ALDH1A2: variants seen among roughly 807,000 people sequenced by gnomAD.
ALDH1A2 encodes aldehyde dehydrogenase 1 family member A2, also known as retinal dehydrogenase 2.
A neutral mutation model predicts 60.3 loss-of-function variants in ALDH1A2; 27 were observed. The ratio of observed to expected loss-of-function variants is 0.45; its 90% confidence interval spans 0.33 to 0.62. The LOEUF is 0.62. Ranked by LOEUF, ALDH1A2 falls within the 20% of genes least tolerant of loss-of-function variation. ALDH1A2 has a pLI of 0.02. For synonymous variants in ALDH1A2, 289 were observed against 232.4 expected (o/e 1.24, Z -2.21); for missense variants, 581 against 643.8 (o/e 0.90, Z 1.06).
chr15:58,044,077 G>T (rs777891218), intron 1 of ALDH1A2, among the ~76,000 whole-genome samples: 1 of 152,000 alleles, frequency 6.6e-6, no homozygotes, highest in Non-Finnish European at 1.5e-5. Flanking sequence ...AATTTTTGCT[G>T]ATGTCTATTT....
At chr15:57,974,265 C>G (rs1024722384) in intron 7 of ALDH1A2, among the ~76,000 whole-genome samples, 2 of 151,828 alleles carry the variant, frequency 1.3e-5, no homozygotes, top group Admixed American at 6.6e-5. Flanking sequence ...AACCCCATCT[C>G]TACTAAAAAT....
In ALDH1A2 at chr15:57,962,125, C is replaced by T; in HGVS notation, c.1138G>A (p.Ala380Thr). Residue 380 changes from alanine to threonine, a missense_variant, in exon 10 of 13, where the codon GCT (alanine) becomes ACT (threonine). Around this residue, in one of 2 missense-constraint regions of ALDH1A2, gnomAD observed 375 missense variants for 469.7 expected, o/e 0.80. Coordinates refer to ENST00000249750, the MANE Select transcript of ALDH1A2 (RefSeq NM_003888.4). ...KILELIQSGV[A>T]EGAKLECGGK... is the part of the protein sequence containing the mutation. ...CCACATTCCAGCTTGGCGCCCTCAGCCACACCACTCTGGATGAGTTCCAAG... is the reference window on the plus strand; with the variant it reads ...CCACATTCCAGCTTGGCGCCCTCAGTCACACCACTCTGGATGAGTTCCAAG... 6.2e-7 allele frequency: 1 copy of T among 1,614,164 alleles called. No individual in the cohort carries two copies. Among genetic ancestry groups the T allele is most frequent in the Non-Finnish European group, 8.5e-7 (1 of 1,180,014 alleles).
intron 7 of ALDH1A2, among the ~76,000 whole-genome samples, chr15:57,979,543 C>A (rs1172479841): frequency 6.6e-6 from 1 of 152,024 alleles, no homozygotes; most frequent in Non-Finnish European, 1.5e-5. Flanking sequence ...CTCATTCCTG[C>A]GAAGGACCAA....
chr15:58,015,778 T>C (rs1184619710), intron 1 of ALDH1A2, among the ~76,000 whole-genome samples: 2 of 152,198 alleles, frequency 1.3e-5, no homozygotes, highest in Non-Finnish European at 2.9e-5. Flanking sequence ...CAATGTGTTC[T>C]TTCCAATACA....
At chr15:57,974,160 G>T (rs1028971443) in intron 7 of ALDH1A2, among the ~76,000 whole-genome samples, 4 of 152,038 alleles carry the variant, frequency 2.6e-5, no homozygotes, top group Admixed American at 1.3e-4. Flanking sequence ...ACCCATATAG[G>T]GCCGGGCGCA....
At chr15:57,988,872 C>G (rs1446925695) in intron 7 of ALDH1A2, among the ~76,000 whole-genome samples, 1 of 117,290 alleles carries the variant, frequency 8.5e-6, no homozygotes, top group Non-Finnish European at 2.0e-5. Context: ...ACTTCCACTA[C>G]CTGATATTGT....
chr15:57,972,704 A>G (rs938810641), intron 7 of ALDH1A2, among the ~76,000 whole-genome samples: 1 of 152,220 alleles, frequency 6.6e-6, no homozygotes, highest in African/African-American at 2.4e-5. Context: ...TTTTATGCTA[A>G]TAGTTTAAAA....
At chr15:57,972,870 G>T (rs561613336) in intron 7 of ALDH1A2, among the ~76,000 whole-genome samples, 1 of 152,164 alleles carries the variant, frequency 6.6e-6, no homozygotes, top group South Asian at 2.1e-4. Flanking sequence ...TAAAACTGTA[G>T]CAAGCCACCT....
intron 12 of ALDH1A2, among the ~76,000 whole-genome samples, chr15:57,958,212 A>ATG (rs1440320416): frequency 1.3e-5 from 2 of 150,250 alleles, no homozygotes; most frequent in Admixed American, 6.6e-5. Flanking sequence ...GTGTACACGC[A>ATG]CGCACACACA....
chr15:58,022,378 C>T (rs1895951476), intron 1 of ALDH1A2, among the ~76,000 whole-genome samples: 1 of 152,116 alleles, frequency 6.6e-6, no homozygotes, highest in South Asian at 2.1e-4. Context: ...ACTTGCCTGT[C>T]CAGCACATCA....
At chr15:58,028,119 TGAAG>T (rs1216917102) in intron 1 of ALDH1A2, among the ~76,000 whole-genome samples, 1 of 151,782 alleles carries the variant, frequency 6.6e-6, no homozygotes, top group African/African-American at 2.4e-5. Flanking sequence ...AAGGTTGAAA[TGAAG>T]GAAAAAATGT....
At chr15:57,963,771 T>C (rs1165252561) in intron 9 of ALDH1A2, 114 bp downstream of exon 9, 4 of 1,087,882 alleles carry the variant, frequency 3.7e-6, no homozygotes, top group Non-Finnish European at 5.5e-6. Context: ...TGGTGGAGAA[T>C]AAAGGAGTCA....
At position 57,992,944 on chromosome 15, in the gene ALDH1A2, C is replaced by A; in HGVS notation, c.684+1G>T. The A allele has an allele frequency of 6.2e-7, 1 of 1,614,086 alleles. No homozygotes were observed. On this transcript the variant is annotated splice_donor_variant, in intron 6 of 12. Transcript: ENST00000249750. LOFTEE classifies it high-confidence loss of function. ...GCACTCCCGAAGTCCGTTTCTCTTA[C>A]CTCCTTGATGAGGGCTCCCATGTAG...
chr15:57,991,192 A>AGTT (rs749830405), intron 7 of ALDH1A2, among the ~76,000 whole-genome samples: 1 of 152,178 alleles, frequency 6.6e-6, no homozygotes, highest in Non-Finnish European at 1.5e-5. Context: ...AGTCTTTTAC[A>AGTT]GTTGTCTTAA....
chr15:58,065,057 G>A (rs1011148626), intron 1 of ALDH1A2, among the ~76,000 whole-genome samples: 1 of 152,200 alleles, frequency 6.6e-6, no homozygotes, highest in African/African-American at 2.4e-5. Flanking sequence ...AATTCCTTAC[G>A]GGAAAGCCCC....
At chr15:57,958,214 G>GCGCGCACACACACACACACA (rs67551670) in intron 12 of ALDH1A2, among the ~76,000 whole-genome samples, 1 of 151,700 alleles carries the variant, frequency 6.6e-6, no homozygotes, top group African/African-American at 2.4e-5. Context: ...GTACACGCAC[G>GCGCGCACACACACACACACA]CACACACACA....
At chr15:57,973,225 TTG>T (rs1358741023) in intron 7 of ALDH1A2, among the ~76,000 whole-genome samples, 1 of 152,230 alleles carries the variant, frequency 6.6e-6, no homozygotes, top group African/African-American at 2.4e-5. Flanking sequence ...GTTTATTGAC[TTG>T]TGTTTATAAG....
intron 1 of ALDH1A2, among the ~76,000 whole-genome samples, chr15:58,059,864 A>G (rs1236251268): frequency 6.6e-6 from 1 of 152,116 alleles, no homozygotes; most frequent in Non-Finnish European, 1.5e-5. Context: ...GCACATAATA[A>G]ATGTAATAAA....
At chr15:57,960,733 C>A (rs1281156665) in intron 12 of ALDH1A2, 37 bp downstream of exon 12, 1 of 1,552,836 alleles carries the variant, frequency 6.4e-7, no homozygotes, top group Admixed American at 1.7e-5. Flanking sequence ...TATTTGCAAT[C>A]TATTTCTCTG....
Sources: allele counts gnomAD v4.1 joint callset (sites outside exome capture counted in the v4.1 genomes callset), GRCh38; gene constraint gnomAD v4.1.1; regional missense constraint gnomAD v4.1.1; transcripts MANE v1.5; gene names NCBI Gene and HGNC (gene_info 2026-07-23, HGNC 2026-07-21).